Variants in PCARE observed in about 807,000 individuals in gnomAD.
The protein encoded by PCARE is uncharacterized protein C2orf71.
In PCARE, 72 loss-of-function variants were observed where a neutral mutation model predicts 82.2. That is an observed-to-expected ratio of 0.88 (90% CI 0.72 to 1.07). The LOEUF is 1.07. Ranked by LOEUF, PCARE falls within the 50% of genes least tolerant of loss-of-function variation. The pLI is 0.00. For synonymous variants in PCARE, 705 were observed against 634.8 expected, an observed-to-expected ratio of 1.11 and a Z score of -1.66; for missense variants, 1,768 against 1,592.4, an observed-to-expected ratio of 1.11 and a Z score of -1.88.
rs1667310829 is a variant in PCARE, at chr2:29,061,716, T to C, written c.*3153A>G. 6.6e-6 allele frequency: 1 copy of C among 152,214 alleles called. No individual in the cohort carries two copies. The allele number at this position is 152,214 out of a possible 1,614,324, so 9.4% of individuals were successfully genotyped here. ...TGAGTTGGGTTCATTGGCTTAATAA[T>C]TTTTATTAAAACAAAAAGCAGAACA... On this transcript the variant is annotated 3_prime_UTR_variant, in exon 2 of 2. Transcript: ENST00000331664.
At position 29,064,039 on chromosome 2, in the gene PCARE, G is replaced by T. The variant is rs13016696; in HGVS notation, c.*830C>A. On this transcript the variant is annotated 3_prime_UTR_variant, in exon 2 of 2. Transcript: ENST00000331664. ...AGGGCAGTGAGAGCATTTGCTACAT[G>T]CTTAGGCCGAGAGGCAGCGTGGCTG... is the stretch of plus-strand genomic sequence containing the variant. The T allele has an allele frequency of 0.29, 44,686 of 153,658 alleles. 6,909 individuals are homozygous for T. Among genetic ancestry groups the T allele is most frequent in the East Asian group, 0.5 (2,606 of 5,164 alleles). The allele number at this position is 153,658 out of a possible 1,614,324, so 9.5% of individuals were successfully genotyped here.
Position 29,071,527 on chromosome 2 carries a change from C to T in PCARE, c.2735G>A (p.Arg912Lys). Residue 912 changes from arginine to lysine, a missense_variant, in exon 1 of 2, where the codon AGG becomes AAG. By Grantham distance (26) the Arg-to-Lys change is conservative. Coordinates refer to ENST00000331664, the MANE Select transcript of PCARE (RefSeq NM_001029883.3). Reference sequence around the variant, plus strand: ...TGGCTTCCTGGGCTGGCAGCTGCTCCTGCCACTCCCTGGCCCTGTGCTGTG... The same window carrying T: ...TGGCTTCCTGGGCTGGCAGCTGCTCTTGCCACTCCCTGGCCCTGTGCTGTG... ...KPHSTGPGSG[R>K]SSCQPRKPAL... 2 of 1,610,220 alleles carry T rather than the reference C, an allele frequency of 1.2e-6. No individual in the cohort carries two copies. Among genetic ancestry groups the T allele is most frequent in the Non-Finnish European group, 1.7e-6 (2 of 1,179,984 alleles).
In PCARE at chr2:29,064,469, C is replaced by T. The variant is rs185127491; in HGVS notation, c.*400G>A. ...TCCCCACACCTTCGGTTTTCATATG[C>T]GCAAAACTGAAGAATGCTATGTGCT... On this transcript the variant is annotated 3_prime_UTR_variant, in exon 2 of 2. Coordinates refer to ENST00000331664, the MANE Select transcript of PCARE (RefSeq NM_001029883.3). The T allele has an allele frequency of 2.3e-4, 68 of 293,644 alleles. No individual in the cohort carries two copies. Among genetic ancestry groups the T allele is most frequent in the South Asian group, 1.6e-3 (35 of 22,008 alleles). 18.2% of individuals were successfully genotyped at this position (293,644 alleles called of 1,614,324 possible).
chr2:29,064,885 T>C lies in PCARE; in HGVS notation c.3851A>G (p.Gln1284Arg). The C allele has an allele frequency of 1.2e-6, 2 of 1,611,608 alleles. No individual in the cohort carries two copies. Among genetic ancestry groups the C allele is most frequent in the South Asian group, 2.2e-5 (2 of 90,962 alleles). Residue 1284 changes from glutamine to arginine, a missense_variant, in exon 2 of 2, where the codon CAA becomes CGA. Gln to Arg is a conservative substitution (Grantham distance 43, BLOSUM62 1). Coordinates refer to ENST00000331664, the MANE Select transcript of PCARE (RefSeq NM_001029883.3). ...DKSQPEAQPQ[Q>R]EEVS ...GTCAGCCTGTCAGGACACCTCCTCT[T>C]GCTGGGGCTGCGCCTCTGGCTGGGA...
At position 29,065,019 on chromosome 2, in the gene PCARE, G is replaced by A; in HGVS notation, c.3717C>T (p.Pro1239=). The change falls in exon 2 of 2, where the codon CCC becomes CCT. Residue 1239 remains proline (P), a synonymous_variant. Transcript: ENST00000331664. ...TGCCGCCCTGCAGTTCAGGGGAACA[G>A]GGGCTGCTCCCCGGCTCTGTGTCCT... is the stretch of plus-strand genomic sequence containing the variant. ...PKKDTEPGSS[P]CSPELQGGTR... is the part of the protein sequence containing the mutation. The A allele has an allele frequency of 6.4e-7, 1 of 1,559,762 alleles. No individual in the cohort carries two copies.
Position 29,063,100 on chromosome 2 carries a change from A to C in PCARE, c.*1769T>G, listed in dbSNP as rs1390955943. ...CAATGGTTGGTCTGCCCAACCATTT[A>C]GGGAGAATGCCCAGATCTCTGTCGG... On this transcript the variant is annotated 3_prime_UTR_variant, in exon 2 of 2. Transcript: ENST00000331664. 1 of 152,360 alleles carries C rather than the reference A, an allele frequency of 6.6e-6. No homozygotes were observed. The highest frequency in any genetic ancestry group is 6.5e-5 in the Admixed American group (1 of 15,290). 9.4% of individuals were successfully genotyped at this position (152,360 alleles called of 1,614,324 possible).
At position 29,070,718 on chromosome 2, in the gene PCARE, A is replaced by C. The variant is rs1470842749; in HGVS notation, c.3544T>G (p.Cys1182Gly). 6.2e-6 allele frequency: 10 copies of C among 1,613,978 alleles called. No individual in the cohort carries two copies. In the Admixed American group the frequency reaches 1.5e-4, roughly 24 times the overall value. ...AGGAAAGGCAGAGGGTTGAGGGCAC[A>C]CAGAGCTGCTCTCCGCTGCGAGTCT... The part of the protein sequence containing the change: ...RADSQRRAAL[C>G]ALNPLPFLRR... The change falls in exon 1 of 2, where the codon TGT (cysteine) becomes GGT (glycine). Residue 1182 changes from cysteine (C) to glycine (G), a missense_variant. Coordinates refer to ENST00000331664, the MANE Select transcript of PCARE (RefSeq NM_001029883.3).
rs763441352 is a variant in PCARE, at chr2:29,073,627, C to T, written c.635G>A (p.Arg212Gln). The part of the protein sequence containing the change: ...LCIIHQATQT[R>Q]ELLQPMVSFL... Reference sequence around the variant, plus strand: ...GCTGACCATGGGCTGCAGCAGCTCCCGGGTCTGGGTGGCCTGATGGATGAT... The same window carrying T: ...GCTGACCATGGGCTGCAGCAGCTCCTGGGTCTGGGTGGCCTGATGGATGAT... Residue 212 changes from arginine (R) to glutamine (Q), a missense_variant, in exon 1 of 2, where the codon CGG becomes CAG. Arg to Gln is a conservative substitution (Grantham distance 43). Coordinates refer to ENST00000331664, the MANE Select transcript of PCARE (RefSeq NM_001029883.3). 47 of 1,614,054 alleles carry T rather than the reference C, an allele frequency of 2.9e-5. No individual in the cohort carries two copies. In the Middle Eastern group the frequency reaches 4.9e-4, roughly 17 times the overall value.
At position 29,072,019 on chromosome 2, in the gene PCARE, C is replaced by T. The variant is rs1381872170; in HGVS notation, c.2243G>A (p.Gly748Glu). The T allele has an allele frequency of 1.9e-6, 3 of 1,614,114 alleles. No homozygotes were observed. The South Asian group carries it at 3.3e-5, about 18-fold the overall frequency. Reference sequence around the variant, plus strand: ...ACTTGCCCCAGCGTCCTTAGAGTCCCCCAGCATCCTCAGACTCTCCGTGGG... The same window carrying T: ...ACTTGCCCCAGCGTCCTTAGAGTCCTCCAGCATCCTCAGACTCTCCGTGGG... ...FSPTESLRMLGDSKDAGASPC... is the reference protein window; with the variant it reads ...FSPTESLRMLEDSKDAGASPC... The change falls in exon 1 of 2, where the codon GGG becomes GAG. Residue 748 changes from glycine (G) to glutamate (E), a missense_variant. Physicochemically the swap from Gly to Glu is moderately conservative, Grantham distance 98. Transcript: ENST00000331664.
Position 29,072,727 on chromosome 2 carries a change from G to A in PCARE, c.1535C>T (p.Ser512Leu), listed in dbSNP as rs1293811678. 1.2e-6 allele frequency: 2 copies of A among 1,614,108 alleles called. No individual in the cohort carries two copies. Among genetic ancestry groups the A allele is most frequent in the Non-Finnish European group, 8.5e-7 (1 of 1,180,040 alleles). The change falls in exon 1 of 2, where the codon TCA becomes TTA. Residue 512 changes from serine (S) to leucine (L), a missense_variant. By Grantham distance (145) the Ser-to-Leu change is moderately radical (BLOSUM62 -2). Transcript: ENST00000331664. ...GTCAGCAGGTGAAGATTGTGGCCTT[G>A]AATGTGGAGTTTTTTCCTGCCAGGC... ...LCAWQEKTPHSRPQSSPADRE... is the reference protein window; with the variant it reads ...LCAWQEKTPHLRPQSSPADRE...
Position 29,071,320 on chromosome 2 carries a change from C to T in PCARE, c.2942G>A (p.Arg981Lys), listed in dbSNP as rs1667477072. 1 of 1,613,454 alleles carries T rather than the reference C, an allele frequency of 6.2e-7. No individual in the cohort carries two copies. Among genetic ancestry groups the T allele is most frequent in the African/African-American group, 1.3e-5 (1 of 74,932 alleles). ...RTSESSLARPRQSRERSPPVG... is the reference protein window; with the variant it reads ...RTSESSLARPKQSRERSPPVG... ...AGGGGGGCTTCTCTCTCGGCTCTGC[C>T]TTGGTCTGGCCAGGCTGGACTCTGA... The change falls in exon 1 of 2, where the codon AGG (arginine) becomes AAG (lysine). Residue 981 changes from arginine (R) to lysine (K), a missense_variant. Physicochemically the swap from Arg to Lys is conservative, Grantham distance 26. Transcript: ENST00000331664.
In PCARE at chr2:29,071,157, GCTCACA is replaced by G. The variant is rs755853377; in HGVS notation, c.3099_3104del (p.Val1034_Ser1035del). On this transcript the variant is annotated inframe_deletion, in exon 1 of 2. Coordinates refer to ENST00000331664, the MANE Select transcript of PCARE (RefSeq NM_001029883.3). ...TGGTGGGTGGGCTTAGCACCCTGGG[GCTCACA>G]GGTGGGCTGGGGGGCGTCTGCACAG... 1 of 1,580,686 alleles carries G rather than the reference GCTCACA, an allele frequency of 6.3e-7. No homozygotes were observed. The highest frequency in any genetic ancestry group is 1.2e-5 in the South Asian group (1 of 84,336).
rs201520631 is a variant in PCARE, at chr2:29,072,486, C to T, written c.1776G>A (p.Thr592=). ...SGSRRAPERQ[T]RSQSESCLQS... is the part of the protein sequence containing the mutation. ...GGAGACACGACTCTGACTGGGACCTCGTCTGCCTCTCAGGGGCCCTCCTGC... is the reference window on the plus strand; with the variant it reads ...GGAGACACGACTCTGACTGGGACCTTGTCTGCCTCTCAGGGGCCCTCCTGC... The change falls in exon 1 of 2, where the codon ACG becomes ACA. Residue 592 remains threonine (T), a synonymous_variant. Coordinates refer to ENST00000331664, the MANE Select transcript of PCARE (RefSeq NM_001029883.3). 44 of 1,614,084 alleles carry T rather than the reference C, an allele frequency of 2.7e-5. No homozygotes were observed. Among genetic ancestry groups the T allele is most frequent in the South Asian group, 4.4e-5 (4 of 91,084 alleles).
At position 29,071,861 on chromosome 2, in the gene PCARE, A is replaced by C; in HGVS notation, c.2401T>G (p.Leu801Val). ...GGCAGAGGGGGAAAGATAGGTGCTA[A>C]GGGCTTCCAGCCTATGCCCATTTTG... ...SLKMGIGWKP[L>V]APIFPPLPKA... Residue 801 changes from leucine (L) to valine (V), a missense_variant, in exon 1 of 2, where the codon TTA becomes GTA. Leu to Val is a conservative substitution (Grantham distance 32). Coordinates refer to ENST00000331664, the MANE Select transcript of PCARE (RefSeq NM_001029883.3). The C allele has an allele frequency of 6.2e-7, 1 of 1,614,198 alleles. No homozygotes were observed. The highest frequency in any genetic ancestry group is 8.5e-7 in the Non-Finnish European group (1 of 1,180,028).
Position 29,068,666 on chromosome 2 carries a change from C to T in PCARE, c.3668+1928G>A, listed in dbSNP as rs529396702. Among the ~76,000 whole-genome samples the T allele has an allele frequency of 2.0e-5, 3 of 152,290 alleles. No homozygotes were observed. In the South Asian group the frequency reaches 6.2e-4, roughly 32 times the overall value. On this transcript the variant is annotated intron_variant, in intron 1 of 1. Coordinates refer to ENST00000331664, the MANE Select transcript of PCARE (RefSeq NM_001029883.3). Reference sequence around the variant, plus strand: ...CTACACTTTGACTCACGCCCCATTGCGGCTGCATGCCTGGGCCTGTCTGCA... The same window carrying T: ...CTACACTTTGACTCACGCCCCATTGTGGCTGCATGCCTGGGCCTGTCTGCA...
Position 29,073,314 on chromosome 2 carries a change from A to C in PCARE, c.948T>G (p.Asn316Lys). The change falls in exon 1 of 2, where the codon AAT (asparagine) becomes AAG (lysine). Residue 316 changes from asparagine to lysine, a missense_variant. By Grantham distance (94) the Asn-to-Lys change is moderately conservative (BLOSUM62 0). Coordinates refer to ENST00000331664, the MANE Select transcript of PCARE (RefSeq NM_001029883.3). ...GAGCCCTCAGGAGGCGTTCATCCAC[A>C]TTCCTTTTTGTGCTCAGCTTATTTT... ...HLENKLSTKRNVDERLLRALR... is the reference protein window; with the variant it reads ...HLENKLSTKRKVDERLLRALR... The C allele has an allele frequency of 1.2e-6, 2 of 1,613,996 alleles. No homozygotes were observed.
chr2:29,067,192 C>T (rs1192320429), intron 1 of PCARE, among the ~76,000 whole-genome samples: 1 of 152,220 alleles, frequency 6.6e-6, no homozygotes, highest in Non-Finnish European at 1.5e-5. Context: ...ACAGCCCGTT[C>T]TGAGCAGCCT....
chr2:29,072,121 G>A lies in PCARE; in HGVS notation c.2141C>T (p.Ala714Val). Residue 714 changes from alanine to valine, a missense_variant, in exon 1 of 2, where the codon GCT (alanine) becomes GTT (valine). By Grantham distance (64) the Ala-to-Val change is moderately conservative. Transcript: ENST00000331664. ...NAIPSGEVSE[A>V]AKATDWNVRG... ...GACATTCCAGTCTGTGGCCTTGGCA[G>A]CCTCACTGACCTCTCCTGATGGGAT... 1 of 1,614,258 alleles carries A rather than the reference G, an allele frequency of 6.2e-7. No individual in the cohort carries two copies. The highest frequency in any genetic ancestry group is 8.5e-7 in the Non-Finnish European group (1 of 1,180,044).
intron 1 of PCARE, among the ~76,000 whole-genome samples, chr2:29,068,339 C>T (rs1182183914): frequency 1.3e-5 from 2 of 152,146 alleles, no homozygotes; most frequent in African/African-American, 4.8e-5. Flanking sequence ...CATTGACTGC[C>T]GAGTACTTTG....
Sources: gnomAD v4.1 joint callset for allele counts (sites outside exome capture counted in the v4.1 genomes callset) on GRCh38, gnomAD v4.1.1 for gene constraint, MANE v1.5 for transcripts, NCBI Gene and HGNC (gene_info 2026-07-23, HGNC 2026-07-21) for gene names.